Variants in DLG2 observed in about 807,000 individuals in gnomAD.
DLG2 encodes disks large homolog 2.
A neutral mutation model predicts 132.5 loss-of-function variants in DLG2; 45 were observed. The ratio of observed to expected loss-of-function variants is 0.34; its 90% CI spans 0.27 to 0.44. The LOEUF (loss-of-function observed/expected upper bound fraction) is 0.44. Ranked by LOEUF, DLG2 falls within the 20% of genes least tolerant of loss-of-function variation. The pLI, the probability that DLG2 is intolerant of heterozygous loss-of-function variation, is 1.00. For missense variants in DLG2, 1,045 were observed against 1,196.9 expected (o/e 0.87, Z 1.87); for synonymous variants, 424 against 419.6 (o/e 1.01, Z -0.13).
chr11:83,669,239 C>A (rs1040952070), intron 18 of DLG2, among the ~76,000 whole-genome samples: 1 of 152,128 alleles, frequency 6.6e-6, no homozygotes, highest in Non-Finnish European at 1.5e-5. Context: ...ATTACTCATT[C>A]CTATTAATTT....
intron 6 of DLG2, among the ~76,000 whole-genome samples, chr11:85,089,714 C>A (rs2068462890): frequency 6.6e-6 from 1 of 152,098 alleles, no homozygotes; most frequent in Non-Finnish European, 1.5e-5. Context: ...AAACTGCTTT[C>A]CACAGTGGCT....
At chr11:84,816,336 C>T (rs184810643) in intron 6 of DLG2, among the ~76,000 whole-genome samples, 38 of 152,048 alleles carry the variant, frequency 2.5e-4, no homozygotes, top group African/African-American at 7.9e-4. Flanking sequence ...CACTGGAAAA[C>T]CTTGGAGTAC....
intron 14 of DLG2, among the ~76,000 whole-genome samples, chr11:83,959,419 A>C (rs2087867476): frequency 1.3e-5 from 2 of 152,114 alleles, no homozygotes; most frequent in African/African-American, 4.8e-5. Context: ...TTCCCATTTC[A>C]CAGACATGTT....
At chr11:84,998,175 A>G (rs2057852606) in intron 6 of DLG2, among the ~76,000 whole-genome samples, 1 of 152,028 alleles carries the variant, frequency 6.6e-6, no homozygotes, top group African/African-American at 2.4e-5. Context: ...ATATGTATTA[A>G]TAGGGTTTGG....
At chr11:84,742,617 T>A (rs181354829) in intron 6 of DLG2, among the ~76,000 whole-genome samples, 1 of 152,316 alleles carries the variant, frequency 6.6e-6, no homozygotes, top group East Asian at 1.9e-4. Flanking sequence ...GAATGTTATA[T>A]TTGCTACAAC....
chr11:84,708,483 A>G (rs1043051497), intron 6 of DLG2, among the ~76,000 whole-genome samples: 15 of 151,892 alleles, frequency 9.9e-5, no homozygotes, highest in Non-Finnish European at 1.8e-4. Context: ...CTTCTAGTGG[A>G]AGAACAAAGG....
rs116093081 is a variant in DLG2, at chr11:84,577,826, C to T, written c.358-43095G>A. ...CCCAAGACCACAAGGAAAGTGTCTCCTGGCCATGTCAGAGACCTTCATGGC... is the reference window on the plus strand; with the variant it reads ...CCCAAGACCACAAGGAAAGTGTCTCTTGGCCATGTCAGAGACCTTCATGGC... On this transcript the variant is annotated intron_variant, in intron 6 of 27. Coordinates refer to ENST00000376104, the MANE Select transcript of DLG2 (RefSeq NM_001142699.3). Among the ~76,000 whole-genome samples, 1,479 of 152,306 alleles carry T rather than the reference C, an allele frequency of 9.7e-3. 20 individuals are homozygous for T. The highest frequency in any genetic ancestry group is 0.034 in the African/African-American group (1,417 of 41,560).
chr11:83,601,907 C>G (rs1051341306), intron 19 of DLG2, among the ~76,000 whole-genome samples: 1 of 152,098 alleles, frequency 6.6e-6, no homozygotes, highest in Admixed American at 6.6e-5. Flanking sequence ...GTGTTTTCTG[C>G]TTATTGAGAC....
chr11:84,795,336 A>G (rs1598311945), intron 6 of DLG2, among the ~76,000 whole-genome samples: 1 of 151,742 alleles, frequency 6.6e-6, no homozygotes, highest in Admixed American at 6.6e-5. Context: ...AGGACAACCT[A>G]CCTGCGGACA....
At chr11:84,025,817 A>G (rs1370249679) in intron 11 of DLG2, among the ~76,000 whole-genome samples, 1 of 152,150 alleles carries the variant, frequency 6.6e-6, no homozygotes, top group African/African-American at 2.4e-5. Context: ...TGCTTTTGCC[A>G]GCATTTATGA....
intron 6 of DLG2, among the ~76,000 whole-genome samples, chr11:84,848,087 G>C (rs950754276): frequency 1.3e-5 from 2 of 152,246 alleles, no homozygotes; most frequent in South Asian, 4.1e-4. Flanking sequence ...ACAGCGAAAA[G>C]AACTGAAGAG....
intron 7 of DLG2, among the ~76,000 whole-genome samples, chr11:84,321,624 C>G (rs2098405309): frequency 6.6e-6 from 1 of 152,152 alleles, no homozygotes; most frequent in Middle Eastern, 3.2e-3. Flanking sequence ...CATACTTTCA[C>G]ATAATTAATT....
At chr11:84,652,213 A>G (rs536258793) in intron 6 of DLG2, among the ~76,000 whole-genome samples, 3 of 152,268 alleles carry the variant, frequency 2.0e-5, no homozygotes, top group African/African-American at 7.2e-5. Context: ...TTGATGCAAA[A>G]CTAAGTTAGA....
At position 84,371,297 on chromosome 11, in the gene DLG2, T is replaced by C. The variant is rs571316888; in HGVS notation, c.520-120006A>G. Among the ~76,000 whole-genome samples, 3 of 150,034 alleles carry C rather than the reference T, an allele frequency of 2.0e-5. No individual in the cohort carries two copies. In the East Asian group the frequency reaches 5.9e-4, roughly 29 times the overall value. ...TTTTGATAGCCTCTGTCACCCAGGCTAGGGTACAACAGTGGCACAACCATG... is the reference window on the plus strand; with the variant it reads ...TTTTGATAGCCTCTGTCACCCAGGCCAGGGTACAACAGTGGCACAACCATG... On this transcript the variant is annotated intron_variant, in intron 7 of 27. Coordinates refer to ENST00000376104, the MANE Select transcript of DLG2 (RefSeq NM_001142699.3).
intron 9 of DLG2, among the ~76,000 whole-genome samples, chr11:84,149,404 G>A (rs1332261084): frequency 6.6e-6 from 1 of 152,050 alleles, no homozygotes; most frequent in Non-Finnish European, 1.5e-5. Flanking sequence ...TATGATAAAA[G>A]GTAAGGGTCC....
In DLG2 at chr11:84,497,949, A is replaced by G. The variant is rs569626856; in HGVS notation, c.519+36621T>C. On this transcript the variant is annotated intron_variant, in intron 7 of 27. Coordinates refer to ENST00000376104, the MANE Select transcript of DLG2 (RefSeq NM_001142699.3). The stretch of plus-strand genomic sequence containing the variant: ...TGGCAATCAAGATACACGATACACT[A>G]GAGGACAGAACCCAGGCACTCATGG... Among the ~76,000 whole-genome samples, 6 of 152,302 alleles carry G rather than the reference A, an allele frequency of 3.9e-5. No homozygotes were observed. The South Asian group carries it at 1.2e-3, about 32-fold the overall frequency.
intron 7 of DLG2, among the ~76,000 whole-genome samples, chr11:84,481,356 T>C (rs2099137123): frequency 6.6e-6 from 1 of 152,204 alleles, no homozygotes; most frequent in African/African-American, 2.4e-5. Flanking sequence ...TGCTGAGTCT[T>C]CTTTTACCCA....
At chr11:84,681,484 G>T (rs1222630114) in intron 6 of DLG2, among the ~76,000 whole-genome samples, 1 of 152,102 alleles carries the variant, frequency 6.6e-6, no homozygotes, top group Non-Finnish European at 1.5e-5. Context: ...TAGGAAGTGG[G>T]GGGTACCGGT....
intron 6 of DLG2, chr11:84,720,411 C>T: frequency 3.0e-6 from 3 of 985,458 alleles, no homozygotes; most frequent in South Asian, 4.7e-5. Context: ...TTCCGGGCTG[C>T]GGCAGTGGCA....
Sources: allele counts gnomAD v4.1 joint callset (sites outside exome capture counted in the v4.1 genomes callset), GRCh38; gene constraint gnomAD v4.1.1; transcripts MANE v1.5; gene names NCBI Gene and HGNC (gene_info 2026-07-23, HGNC 2026-07-21).